The following CASD1 variants were observed in gnomAD, a reference collection of about 807,000 sequenced individuals.
The protein encoded by CASD1 is N-acetylneuraminate (7)9-O-acetyltransferase.
CASD1 carries 41 observed loss-of-function variants against 100.0 expected under a neutral mutation model. The ratio of observed to expected loss-of-function variants is 0.41; its 90% CI spans 0.32 to 0.53. The LOEUF is 0.53. CASD1 is among the 20% of genes least tolerant of loss of function. The probability of loss-of-function intolerance (pLI) is 0.25; values close to 1 mark genes in which losing one functional copy is unlikely to be tolerated. For missense variants in CASD1, 774 were observed against 948.7 expected (o/e 0.82, Z 2.42); for synonymous variants, 321 against 315.6 (o/e 1.02, Z -0.18).
At chr7:94,588,918 A>G in the CASD1 span, 3 of 627,868 alleles carry the variant, frequency 4.8e-6, no homozygotes, top group Non-Finnish European at 8.4e-6. Flanking sequence ...ATAAAAATTA[A>G]CAATATTTGA....
At chr7:94,623,032 C>G in the CASD1 span, among the ~76,000 whole-genome samples, 3 of 152,070 alleles carry the variant, frequency 2.0e-5, no homozygotes, top group African/African-American at 7.2e-5. Flanking sequence ...ATCCTTACCC[C>G]ACACTTATAA....
intron 1 of CASD1, among the ~76,000 whole-genome samples, chr7:94,515,544 G>C (rs576199001): frequency 1.3e-5 from 2 of 152,006 alleles, no homozygotes; most frequent in South Asian, 4.2e-4. Context: ...TTTTAGACAC[G>C]TTTTCTGGGG....
the CASD1 span, among the ~76,000 whole-genome samples, chr7:94,579,833 G>T: frequency 6.6e-6 from 1 of 152,064 alleles, no homozygotes; most frequent in African/African-American, 2.4e-5. Context: ...ACTAATTTTG[G>T]TTTTCTCAGA....
chr7:94,529,135 G>A (rs943953732), intron 5 of CASD1, among the ~76,000 whole-genome samples: 7 of 152,286 alleles, frequency 4.6e-5, no homozygotes, highest in Non-Finnish European at 8.8e-5. Context: ...GAGGTCTACA[G>A]TGTGTTTTGG....
the CASD1 span, among the ~76,000 whole-genome samples, chr7:94,571,520 CAGTG>C: frequency 2.6e-5 from 4 of 152,062 alleles, no homozygotes; most frequent in African/African-American, 9.7e-5. Flanking sequence ...AGGGTGCTGC[CAGTG>C]AGGGCTCAAA....
the CASD1 span, chr7:94,599,261 G>T: frequency 3.3e-6 from 1 of 303,092 alleles, no homozygotes; most frequent in Admixed American, 4.6e-5. Context: ...TATTTTCTAT[G>T]ATTTAAGATA....
intron 12 of CASD1, 78 bp downstream of exon 12, chr7:94,545,779 T>C (rs1007716821): frequency 1.5e-5 from 13 of 880,286 alleles, no homozygotes; most frequent in South Asian, 1.2e-4. Context: ...CTAAATGATA[T>C]TATTTTTATT....
the CASD1 span, among the ~76,000 whole-genome samples, chr7:94,632,862 T>C: frequency 1.7e-3 from 263 of 152,110 alleles, no homozygotes; most frequent in Middle Eastern, 3.4e-3. Flanking sequence ...GTGAGCTATA[T>C]AAATAAAGCT....
At chr7:94,587,842 G>A in the CASD1 span, 3 of 1,528,462 alleles carry the variant, frequency 2.0e-6, no homozygotes, top group East Asian at 7.6e-5. Flanking sequence ...TAATAGAGAA[G>A]ATAATTTCTG....
the CASD1 span, among the ~76,000 whole-genome samples, chr7:94,612,009 T>C: frequency 6.6e-6 from 1 of 152,220 alleles, no homozygotes; most frequent in African/African-American, 2.4e-5. Flanking sequence ...AAACAAGTTA[T>C]TACTTTTAAG....
chr7:94,592,208 T>C, the CASD1 span, among the ~76,000 whole-genome samples: 8 of 152,220 alleles, frequency 5.3e-5, no homozygotes, highest in Non-Finnish European at 1.2e-4. Flanking sequence ...TAAAACTGTG[T>C]ATTTCATTTA....
chr7:94,572,378 C>T, the CASD1 span, among the ~76,000 whole-genome samples: 4 of 152,114 alleles, frequency 2.6e-5, no homozygotes, highest in African/African-American at 9.7e-5. Flanking sequence ...CTCTTGAAGA[C>T]AACATATAGT....
Position 94,549,587 on chromosome 7 carries a change from A to G in CASD1, c.1768A>G (p.Lys590Glu), listed in dbSNP as rs1273295663. 6.2e-7 allele frequency: 1 copy of G among 1,611,100 alleles called. No homozygotes were observed. The highest frequency in any genetic ancestry group is 2.2e-5 in the East Asian group (1 of 44,670). ...GCCATTGTCCAAGTGTTTTGAACTGAAAGGGAATGTATATGAATGGTGGTT... is the reference window on the plus strand; with the variant it reads ...GCCATTGTCCAAGTGTTTTGAACTGGAAGGGAATGTATATGAATGGTGGTT... ...LWPLSKCFEL[K>E]GNVYEWWFRW... Residue 590 changes from lysine (K) to glutamate (E), a missense_variant, in exon 14 of 18, where the codon AAA (lysine) becomes GAA (glutamate). Transcript: ENST00000297273.
chr7:94,572,899 A>AT, the CASD1 span, among the ~76,000 whole-genome samples: 2 of 152,168 alleles, frequency 1.3e-5, no homozygotes, highest in South Asian at 2.1e-4. Context: ...TCTTGAGTTG[A>AT]TTTTTTATAT....
chr7:94,625,810 T>C, the CASD1 span: 1 of 152,106 alleles, frequency 6.6e-6, no homozygotes, highest in Non-Finnish European at 1.5e-5. Context: ...CTCTATTGTT[T>C]TGTGGCTTTC....
chr7:94,624,162 C>CAA, the CASD1 span: 259 of 350,970 alleles, frequency 7.4e-4, no homozygotes, highest in South Asian at 4.8e-3. Context: ...TGCAGTACCT[C>CAA]AAAAAAAAAA....
At chr7:94,585,372 A>G in the CASD1 span, 1 of 841,152 alleles carries the variant, frequency 1.2e-6, no homozygotes. Context: ...TTTGGTATAC[A>G]CTTAATACTG....
chr7:94,613,153 C>T, the CASD1 span, among the ~76,000 whole-genome samples: 3 of 152,152 alleles, frequency 2.0e-5, no homozygotes, highest in Admixed American at 6.5e-5. Context: ...TGCTCAGAAG[C>T]AGGAGATATT....
At chr7:94,589,518 G>C in the CASD1 span, 2 of 152,452 alleles carry the variant, frequency 1.3e-5, no homozygotes, top group African/African-American at 4.8e-5. Flanking sequence ...CTGGGACACG[G>C]AACTGGGCTG....
Sources: allele counts gnomAD v4.1 joint callset (sites outside exome capture counted in the v4.1 genomes callset), GRCh38; gene constraint gnomAD v4.1.1; transcripts MANE v1.5; gene names NCBI Gene and HGNC (gene_info 2026-07-23, HGNC 2026-07-21).